Variants in CARMIL1 observed in about 807,000 individuals in gnomAD.
CARMIL1 encodes the protein capping protein regulator and myosin 1 linker 1, also known as F-actin-uncapping protein LRRC16A.
CARMIL1 carries 90 observed loss-of-function variants against 177.1 expected under a neutral mutation model. The observed-to-expected ratio is 0.51, with a 90% CI of 0.43 to 0.61. The LOEUF is 0.61. CARMIL1 is among the 20% of genes least tolerant of loss of function. CARMIL1 has a pLI of 0.00. For missense variants in CARMIL1, 1,380 were observed against 1,667.0 expected, an observed-to-expected ratio of 0.83 and a Z score of 3.00; for synonymous variants, 577 against 606.2, an observed-to-expected ratio of 0.95 and a Z score of 0.71.
chr6:25,562,717 T>C (rs1401360401), intron 29 of CARMIL1, among the ~76,000 whole-genome samples: 9 of 152,172 alleles, frequency 5.9e-5, no homozygotes. Flanking sequence ...CCCAGAGCCC[T>C]AAAGCTCCCA....
At chr6:25,601,401 C>T (rs1295759951) in intron 33 of CARMIL1, among the ~76,000 whole-genome samples, 2 of 152,136 alleles carry the variant, frequency 1.3e-5, no homozygotes, top group Non-Finnish European at 2.9e-5. Flanking sequence ...GAAATGCTCA[C>T]ATCTGGGGGA....
chr6:25,312,697 C>T (rs112539118), intron 2 of CARMIL1, among the ~76,000 whole-genome samples: 153 of 150,480 alleles, frequency 1.0e-3, no homozygotes, highest in Non-Finnish European at 1.7e-3. Context: ...CTCAGTATTA[C>T]TAATGGGGTA....
chr6:25,399,870 CTGT>C (rs1246744471), intron 2 of CARMIL1, among the ~76,000 whole-genome samples: 1 of 152,148 alleles, frequency 6.6e-6, no homozygotes, highest in Non-Finnish European at 1.5e-5. Context: ...ATCTTTTGAG[CTGT>C]TGTTAGCTAG....
At chr6:25,337,085 T>G (rs1023861617) in intron 2 of CARMIL1, among the ~76,000 whole-genome samples, 3 of 152,246 alleles carry the variant, frequency 2.0e-5, no homozygotes, top group African/African-American at 7.2e-5. Flanking sequence ...TATATTATGT[T>G]GGAGTATGAT....
chr6:25,597,401 C>T (rs1210923770), intron 32 of CARMIL1, among the ~76,000 whole-genome samples: 3 of 152,164 alleles, frequency 2.0e-5, no homozygotes, highest in East Asian at 3.9e-4. Flanking sequence ...TAAATATTGA[C>T]AACTGTGTTA....
chr6:25,520,078 T>TATTGCACAC (rs1469266220), intron 22 of CARMIL1, among the ~76,000 whole-genome samples, 166 bp from the exon 23 acceptor site: 1 of 152,198 alleles, frequency 6.6e-6, no homozygotes, highest in Non-Finnish European at 1.5e-5. Context: ...GCACATGTGG[T>TATTGCACAC]TATTACAAAG....
intron 2 of CARMIL1, among the ~76,000 whole-genome samples, chr6:25,312,895 A>G (rs978979367): frequency 1.4e-5 from 2 of 146,080 alleles, no homozygotes; most frequent in Non-Finnish European, 3.0e-5. Flanking sequence ...TTTCCTTTGC[A>G]TGACTCAGTT....
chr6:25,539,133 G>A (rs1808631515), intron 25 of CARMIL1, among the ~76,000 whole-genome samples: 3 of 151,986 alleles, frequency 2.0e-5, no homozygotes, highest in South Asian at 4.1e-4. Flanking sequence ...AGTTCTGTAA[G>A]TCATTTTAGC....
chr6:25,349,003 A>G (rs772001438), intron 2 of CARMIL1, among the ~76,000 whole-genome samples: 3 of 152,186 alleles, frequency 2.0e-5, no homozygotes, highest in African/African-American at 7.2e-5. Context: ...ATGTATTTGT[A>G]TGATTATTGT....
At chr6:25,555,915 C>T (rs1042337145) in intron 28 of CARMIL1, among the ~76,000 whole-genome samples, 2 of 151,658 alleles carry the variant, frequency 1.3e-5, no homozygotes, top group African/African-American at 2.4e-5. Context: ...TTTTTAATTG[C>T]GAAAAAATTT....
intron 29 of CARMIL1, among the ~76,000 whole-genome samples, chr6:25,573,401 A>G (rs1356436242): frequency 6.6e-6 from 1 of 151,720 alleles, no homozygotes; most frequent in Non-Finnish European, 1.5e-5. Context: ...CTGCCTACAC[A>G]CCTGTTTCTA....
intron 2 of CARMIL1, among the ~76,000 whole-genome samples, chr6:25,354,305 C>T (rs145634673): frequency 4.6e-4 from 68 of 146,258 alleles, no homozygotes; most frequent in African/African-American, 1.6e-3. Context: ...ACTATAGTTG[C>T]GTAGCACCAC....
At chr6:25,442,284 C>A (rs1329351368) in intron 5 of CARMIL1, among the ~76,000 whole-genome samples, 2 of 150,758 alleles carry the variant, frequency 1.3e-5, no homozygotes, top group Non-Finnish European at 2.9e-5. Context: ...CCACATAGAA[C>A]TATTTTCTGA....
chr6:25,305,930 C>T (rs1317537975), intron 2 of CARMIL1, among the ~76,000 whole-genome samples: 1 of 152,060 alleles, frequency 6.6e-6, no homozygotes, highest in Non-Finnish European at 1.5e-5. Context: ...AAAATAATTG[C>T]CATTAAGTAT....
rs769330413 is a variant in CARMIL1, at chr6:25,551,028, C to A, written c.2447C>A (p.Thr816Asn). The A allele has an allele frequency of 2.3e-5, 37 of 1,613,304 alleles. 1 individual carries two copies. Among genetic ancestry groups the A allele is most frequent in the Non-Finnish European group, 3.0e-5 (35 of 1,179,540 alleles). ...ACCGAAAAGATTTCTATTCCACGTA[C>A]CTTTGTTAAAAATGTCCTGTTGGAG... is the stretch of plus-strand genomic sequence containing the variant. ...ASTEKISIPRTFVKNVLLEQS... is the reference protein window; with the variant it reads ...ASTEKISIPRNFVKNVLLEQS... The change falls in exon 27 of 37, where the codon ACC (threonine) becomes AAC (asparagine). Residue 816 changes from threonine (T) to asparagine (N), a missense_variant. Coordinates refer to ENST00000329474, the MANE Select transcript of CARMIL1 (RefSeq NM_017640.6).
At chr6:25,595,683 C>A (rs1327285056) in intron 32 of CARMIL1, among the ~76,000 whole-genome samples, 4 of 152,076 alleles carry the variant, frequency 2.6e-5, no homozygotes, top group Non-Finnish European at 4.4e-5. Context: ...CTGTTAAAGC[C>A]CACGGAATCC....
chr6:25,500,741 A>G (rs1804227180), intron 17 of CARMIL1, among the ~76,000 whole-genome samples: 1 of 152,032 alleles, frequency 6.6e-6, no homozygotes, highest in African/African-American at 2.4e-5. Context: ...AAGAACTGAG[A>G]CTAAAGTGTC....
chr6:25,294,740 G>A (rs959003547), intron 2 of CARMIL1, among the ~76,000 whole-genome samples: 1 of 152,186 alleles, frequency 6.6e-6, no homozygotes, highest in Non-Finnish European at 1.5e-5. Context: ...CTCAGTCCTT[G>A]GAAGATGTTG....
intron 3 of CARMIL1, among the ~76,000 whole-genome samples, chr6:25,421,392 G>A (rs1176924282): frequency 2.0e-5 from 3 of 152,168 alleles, no homozygotes; most frequent in African/African-American, 7.2e-5. Context: ...TGGAGAGGAT[G>A]TGGAGAAATA....
Sources: allele counts gnomAD v4.1 joint callset (sites outside exome capture counted in the v4.1 genomes callset), GRCh38; gene constraint gnomAD v4.1.1; transcripts MANE v1.5; gene names NCBI Gene and HGNC (gene_info 2026-07-23, HGNC 2026-07-21).